Variants in DOCK5 observed in about 807,000 individuals in gnomAD.
The protein encoded by DOCK5 is dedicator of cytokinesis protein 5.
DOCK5 carries 142 observed loss-of-function variants against 251.8 expected under a neutral mutation model. The ratio of observed to expected loss-of-function variants is 0.56; its 90% confidence interval spans 0.49 to 0.65. The LOEUF is 0.65. Ranked by LOEUF, DOCK5 falls within the 30% of genes least tolerant of loss-of-function variation. DOCK5 has a pLI of 0.00. For synonymous variants in DOCK5, 842 were observed against 835.5 expected, an observed-to-expected ratio of 1.01 and a Z score of -0.13; for missense variants, 2,111 against 2,312.3, an observed-to-expected ratio of 0.91 and a Z score of 1.79.
intron 11 of DOCK5, among the ~76,000 whole-genome samples, chr8:25,308,347 C>T (rs1563196683): frequency 1.3e-5 from 2 of 152,082 alleles, no homozygotes; most frequent in Non-Finnish European, 1.5e-5. Flanking sequence ...AACAGGCATG[C>T]GATCCCAGCC....
At chr8:25,341,881 C>A in intron 24 of DOCK5, 72 bp downstream of exon 24, 13 of 1,188,750 alleles carry the variant, frequency 1.1e-5, no homozygotes, top group Admixed American at 7.3e-5. Flanking sequence ...GGAGCCTGGG[C>A]TGCTACACCT....
At chr8:25,378,444 A>C (rs918956631) in intron 38 of DOCK5, among the ~76,000 whole-genome samples, 11 of 152,228 alleles carry the variant, frequency 7.2e-5, no homozygotes, top group Non-Finnish European at 1.6e-4. Flanking sequence ...CAGATTTTGC[A>C]AACAATGATT....
intron 7 of DOCK5, 138 bp downstream of exon 7, chr8:25,296,786 A>G: frequency 9.6e-7 from 1 of 1,045,716 alleles, no homozygotes; most frequent in South Asian, 1.6e-5. Flanking sequence ...AACATAGCAG[A>G]AAGGATGAGG....
chr8:25,320,747 T>C (rs1386332794), intron 15 of DOCK5, among the ~76,000 whole-genome samples: 1 of 152,212 alleles, frequency 6.6e-6, no homozygotes, highest in Non-Finnish European at 1.5e-5. Flanking sequence ...CTTCAGAAAA[T>C]GCTAGAAATT....
chr8:25,333,731 G>A (rs1170310550), intron 20 of DOCK5, among the ~76,000 whole-genome samples: 1 of 152,190 alleles, frequency 6.6e-6, no homozygotes, highest in East Asian at 1.9e-4. Context: ...GTCATGGAAT[G>A]TTTCATTAGC....
chr8:25,301,492 A>G (rs1804761650), intron 9 of DOCK5, among the ~76,000 whole-genome samples: 1 of 152,158 alleles, frequency 6.6e-6, no homozygotes, highest in Non-Finnish European at 1.5e-5. Flanking sequence ...CCAATTTGAG[A>G]TGTGATTAGT....
intron 2 of DOCK5, among the ~76,000 whole-genome samples, chr8:25,255,598 G>T (rs148068966): frequency 6.6e-6 from 1 of 152,268 alleles, no homozygotes; most frequent in African/African-American, 2.4e-5. Flanking sequence ...TACTGTAATG[G>T]TGGAATCATG....
chr8:25,374,788 C>T (rs1423283186), intron 37 of DOCK5, 134 bp downstream of exon 37: 1 of 1,566,888 alleles, frequency 6.4e-7, no homozygotes, highest in East Asian at 2.3e-5. Flanking sequence ...TTTTTTAGTT[C>T]TTTCTAAATA....
In DOCK5 at chr8:25,210,045, T is replaced by TAA. The variant is rs1563309191; in HGVS notation, c.43+25094_43+25095insAA. Among the ~76,000 whole-genome samples the TAA allele has an allele frequency of 3.4e-3, 70 of 20,648 alleles. 14 individuals carry two copies. Among genetic ancestry groups the TAA allele is most frequent in the African/African-American group, 0.015 (67 of 4,346 alleles). 13.5% of individuals were successfully genotyped at this position (20,648 alleles called of 152,430 possible). A position where few individuals can be genotyped will look rare whatever the true frequency, so the allele number is the denominator to read the frequency against. On this transcript the variant is annotated intron_variant, in intron 1 of 51. Transcript: ENST00000276440. ...ATATATATATATATAAATGTGTGTG[T>TAA]GTGTGTGTGTGTGTGTGTGTGTGTA...
At chr8:25,250,344 G>C (rs1803233827) in intron 2 of DOCK5, among the ~76,000 whole-genome samples, 1 of 152,210 alleles carries the variant, frequency 6.6e-6, no homozygotes, top group Admixed American at 6.5e-5. Context: ...TTTGTCTTTA[G>C]AGACTTTATC....
At chr8:25,345,874 G>A (rs183883791) in intron 26 of DOCK5, among the ~76,000 whole-genome samples, 20 of 151,920 alleles carry the variant, frequency 1.3e-4, no homozygotes, top group African/African-American at 4.6e-4. Flanking sequence ...TTTTGAGAGG[G>A]AGTCTCGCTC....
intron 34 of DOCK5, among the ~76,000 whole-genome samples, chr8:25,371,323 T>C (rs1800868883): frequency 6.6e-6 from 1 of 152,118 alleles, no homozygotes; most frequent in Non-Finnish European, 1.5e-5. Context: ...GTGAGCCAAG[T>C]GAGCCACCGT....
Position 25,408,302 on chromosome 8 carries a change from T to C in DOCK5, c.5265+148T>C, listed in dbSNP as rs141221749. On this transcript the variant is annotated intron_variant, in intron 49 of 51. Transcript: ENST00000276440. Reference sequence around the variant, plus strand: ...GCCTGGGTTAGTGTCAGGTCGCAGATTGTGGTAAGGAAAGCACATACCTCA... The same window carrying C: ...GCCTGGGTTAGTGTCAGGTCGCAGACTGTGGTAAGGAAAGCACATACCTCA... 7.2e-3 allele frequency: 6,131 copies of C among 846,576 alleles called. 138 individuals carry two copies. The Admixed American group carries it at 0.075, about 10-fold the overall frequency. 52.4% of individuals were successfully genotyped at this position (846,576 alleles called of 1,614,324 possible).
At chr8:25,203,138 C>T (rs1801919417) in intron 1 of DOCK5, among the ~76,000 whole-genome samples, 1 of 152,170 alleles carries the variant, frequency 6.6e-6, no homozygotes, top group East Asian at 1.9e-4. Flanking sequence ...TCTTAACACC[C>T]AGATCATCAT....
At chr8:25,338,608 T>G (rs1805872344) in intron 22 of DOCK5, among the ~76,000 whole-genome samples, 1 of 152,238 alleles carries the variant, frequency 6.6e-6, no homozygotes, top group African/African-American at 2.4e-5. Flanking sequence ...TAATTTATGC[T>G]CAGTCTCTGT....
intron 14 of DOCK5, among the ~76,000 whole-genome samples, chr8:25,317,686 C>G (rs1805293863): frequency 6.6e-6 from 1 of 152,222 alleles, no homozygotes; most frequent in Non-Finnish European, 1.5e-5. Flanking sequence ...TCTCCACTCA[C>G]TGCAAGCTCC....
rs528852547 is a variant in DOCK5, at chr8:25,255,216, G to C, written c.127+11459G>C. ...TTTCTGTCCTTGGTATTTACCCAAA[G>C]GAGTTGAAAACTTACACCCACACAA... On this transcript the variant is annotated intron_variant, in intron 2 of 51. Coordinates refer to ENST00000276440, the MANE Select transcript of DOCK5 (RefSeq NM_024940.8). Among the ~76,000 whole-genome samples the C allele has an allele frequency of 4.1e-4, 62 of 152,284 alleles. 1 individual carries two copies. The highest frequency in any genetic ancestry group is 1.4e-3 in the African/African-American group (58 of 41,572).
chr8:25,220,566 A>C (rs1295005825), intron 1 of DOCK5, among the ~76,000 whole-genome samples: 1 of 151,974 alleles, frequency 6.6e-6, no homozygotes. Context: ...CCAGCTCTCC[A>C]CAGGTACCGG....
Position 25,363,088 on chromosome 8 carries a change from T to G in DOCK5, c.2991T>G (p.Ile997Met), listed in dbSNP as rs1352684319. The G allele has an allele frequency of 2.5e-6, 4 of 1,614,006 alleles. No individual in the cohort carries two copies. The South Asian group carries it at 3.3e-5, about 13-fold the overall frequency. ...METFIMFKDL[I>M]GKNVYAKDWM... ...CTTTTATCATGTTCAAGGACCTGATTGGAAAGAATGTCTATGCCAAAGATT... is the reference window on the plus strand; with the variant it reads ...CTTTTATCATGTTCAAGGACCTGATGGGAAAGAATGTCTATGCCAAAGATT... The change falls in exon 29 of 52, where the codon ATT becomes ATG. Residue 997 changes from isoleucine (I) to methionine (M), a missense_variant. Ile to Met is a conservative substitution (Grantham distance 10). This residue lies in a region of DOCK5 where 1,717 missense variants were observed against 1,892.4 expected (regional missense o/e 0.91). Coordinates refer to ENST00000276440, the MANE Select transcript of DOCK5 (RefSeq NM_024940.8).
Sources: gnomAD v4.1 joint callset for allele counts (sites outside exome capture counted in the v4.1 genomes callset) on GRCh38, gnomAD v4.1.1 for gene constraint, gnomAD v4.1.1 regional missense constraint, MANE v1.5 for transcripts, NCBI Gene and HGNC (gene_info 2026-07-23, HGNC 2026-07-21) for gene names.